The following ITGA7 variants were observed in gnomAD, a reference collection of about 807,000 sequenced individuals.
ITGA7 encodes integrin subunit alpha 7.
In ITGA7, 84 loss-of-function variants were observed where a neutral mutation model predicts 131.6. That is an observed-to-expected ratio of 0.64 (90% confidence interval 0.54 to 0.77). The LOEUF is 0.77. Among genes scored for constraint, ITGA7 ranks in the 30% least tolerant of loss-of-function variants. The probability of loss-of-function intolerance (pLI) is 0.00; values close to 1 mark genes in which losing one functional copy is unlikely to be tolerated. For missense variants in ITGA7, 1,399 were observed against 1,482.9 expected, an observed-to-expected ratio of 0.94 and a Z score of 0.93; for synonymous variants, 548 against 600.7, an observed-to-expected ratio of 0.91 and a Z score of 1.28.
In ITGA7 at chr12:55,701,438, A is replaced by C. The variant is rs769300192; in HGVS notation, c.415-284T>G. On this transcript the variant is annotated intron_variant, in intron 3 of 24. Coordinates refer to ENST00000257879, the MANE Select transcript of ITGA7 (RefSeq NM_002206.3). ...CATTCTGCCTGGAGCCAAAAGACAC[A>C]ATTAAGCCACCACATAGGATGTGTG... 2.6e-6 allele frequency: 4 copies of C among 1,551,402 alleles called. No homozygotes were observed. The African/African-American group carries it at 5.5e-5, about 21-fold the overall frequency.
At chr12:55,699,745 T>G in intron 5 of ITGA7, 125 bp downstream of exon 5, 2 of 1,263,496 alleles carry the variant, frequency 1.6e-6, no homozygotes, top group Non-Finnish European at 2.2e-6. Context: ...TTGGGCCCAA[T>G]GTATGTCTCC....
chr12:55,688,036 C>G lies in ITGA7; in HGVS notation c.3118G>C (p.Val1040Leu), dbSNP rs764565180. Residue 1040 changes from valine to leucine, a missense_variant, in exon 24 of 25, where the codon GTC (valine) becomes CTC (leucine). Val to Leu is a conservative substitution (Grantham distance 32). Transcript: ENST00000257879. The part of the protein sequence containing the change: ...AVVAEGVPWW[V>L]ILLAVLAGLL... ...CCAGCCAGTACAGCCAGGAGGATGA[C>G]CCACCAGGGCACTCCTTCTGCCACC... 1 of 1,614,122 alleles carries G rather than the reference C, an allele frequency of 6.2e-7. No individual in the cohort carries two copies. Among genetic ancestry groups the G allele is most frequent in the Non-Finnish European group, 8.5e-7 (1 of 1,180,006 alleles).
At position 55,698,908 on chromosome 12, in the gene ITGA7, A is replaced by G. The variant is rs541691026; in HGVS notation, c.800T>C (p.Ile267Thr). 1.1e-5 allele frequency: 18 copies of G among 1,611,788 alleles called. No individual in the cohort carries two copies. The African/African-American group carries it at 1.2e-4, about 11-fold the overall frequency. Residue 267 changes from isoleucine (I) to threonine (T), a missense_variant, in exon 6 of 25, where the codon ATT becomes ACT. By Grantham distance (89) the Ile-to-Thr change is moderately conservative. Transcript: ENST00000257879. ...LALNSYLGFS[I>T]DSGKGLVRAE... is the part of the protein sequence containing the mutation. The stretch of plus-strand genomic sequence containing the variant: ...ACGCACCAGACCTTTCCCCGAGTCA[A>G]TAGAGAAGCCTGGGGGAAGGGTGAC...
intron 21 of ITGA7, among the ~76,000 whole-genome samples, chr12:55,692,178 C>T (rs968221234): frequency 2.0e-5 from 3 of 152,128 alleles, no homozygotes; most frequent in African/African-American, 4.8e-5. Flanking sequence ...TTTGGGAGGC[C>T]GAGGCAGACA....
intron 22 of ITGA7, 141 bp downstream of exon 22, chr12:55,688,702 GA>G (rs1870774280): frequency 1.5e-6 from 1 of 681,566 alleles, no homozygotes; most frequent in Admixed American, 2.2e-5. Context: ...CAGCCTGGGG[GA>G]CAAAGGAAGA....
chr12:55,700,511 A>C lies in ITGA7; in HGVS notation c.670+388T>G, dbSNP rs892142234. 8.7e-6 allele frequency: 11 copies of C among 1,262,008 alleles called. No homozygotes were observed. The Middle Eastern group carries it at 1.4e-3, about 157-fold the overall frequency. The allele number at this position is 1,262,008 out of a possible 1,614,324, so 78.2% of individuals were successfully genotyped here. A position where few individuals can be genotyped will look rare whatever the true frequency, so the allele number is the denominator to read the frequency against. ...GCCTCTTCTTTCTAGCCCTCTCCCC[A>C]CCCTGTCCCCAACCCAGGCTTCCTG... On this transcript the variant is annotated intron_variant, in intron 4 of 24. Transcript: ENST00000257879.
At chr12:55,715,663 G>A (rs144827244), upstream of ITGA7, among the ~76,000 whole-genome samples, 1 of 152,290 alleles carries the variant, frequency 6.6e-6, no homozygotes, top group African/African-American at 2.4e-5. Context: ...TGAGAAGAAA[G>A]AGGGTTGGGA....
chr12:55,715,458 T>C (rs1406452815), upstream of ITGA7, among the ~76,000 whole-genome samples: 1 of 152,200 alleles, frequency 6.6e-6, no homozygotes, highest in Non-Finnish European at 1.5e-5. Context: ...TATAAATTAC[T>C]TTTTACTTTG....
rs764565180 is a variant in ITGA7, at chr12:55,688,036, C to A, written c.3118G>T (p.Val1040Phe). 29 of 1,614,002 alleles carry A rather than the reference C, an allele frequency of 1.8e-5. No homozygotes were observed. The highest frequency in any genetic ancestry group is 2.5e-5 in the Non-Finnish European group (29 of 1,180,012). The change falls in exon 24 of 25, where the codon GTC becomes TTC. Residue 1040 changes from valine to phenylalanine, a missense_variant. Val to Phe is a conservative substitution (Grantham distance 50). Coordinates refer to ENST00000257879, the MANE Select transcript of ITGA7 (RefSeq NM_002206.3). ...AVVAEGVPWW[V>F]ILLAVLAGLL... is the part of the protein sequence containing the mutation. ...CCAGCCAGTACAGCCAGGAGGATGA[C>A]CCACCAGGGCACTCCTTCTGCCACC...
At chr12:55,700,404 A>G (rs748359982) in intron 4 of ITGA7, 1 of 1,599,108 alleles carries the variant, frequency 6.3e-7, no homozygotes. Context: ...CTGCAAGGAC[A>G]GACCTGTTAG....
At chr12:55,704,766 CCA>C (rs1474063153) in intron 1 of ITGA7, among the ~76,000 whole-genome samples, 1 of 152,174 alleles carries the variant, frequency 6.6e-6, no homozygotes, top group Non-Finnish European at 1.5e-5. Context: ...GTCACTCCAC[CCA>C]GTGACTGACC....
intron 5 of ITGA7, 22 bp downstream of exon 5, chr12:55,699,848 C>T (rs1437106980): frequency 1.9e-6 from 3 of 1,592,286 alleles, no homozygotes; most frequent in Non-Finnish European, 2.6e-6. Context: ...CCCTAGAGTC[C>T]AGGAGGTGGG....
At chr12:55,687,324 C>A (rs546680065) in intron 24 of ITGA7, among the ~76,000 whole-genome samples, 2 of 150,214 alleles carry the variant, frequency 1.3e-5, no homozygotes, top group South Asian at 2.1e-4. Context: ...ATTACAGGCA[C>A]CCCCCACCAT....
At chr12:55,716,057 C>A (rs764629828), upstream of ITGA7, 8 of 1,557,588 alleles carry the variant, frequency 5.1e-6, no homozygotes, top group Non-Finnish European at 6.1e-6. Flanking sequence ...GTGACATGGC[C>A]CCGGGGAGCC....
intron 1 of ITGA7, among the ~76,000 whole-genome samples, chr12:55,704,917 C>T (rs1592486227): frequency 6.6e-6 from 1 of 152,184 alleles, no homozygotes; most frequent in African/African-American, 2.4e-5. Context: ...GCAGTACCCC[C>T]AGCCTCCAAA....
At chr12:55,716,157 G>A, upstream of ITGA7, 1 of 1,612,602 alleles carries the variant, frequency 6.2e-7, no homozygotes, top group Non-Finnish European at 8.5e-7. Context: ...CCTCCTAAAA[G>A]AACACCAGGC....
At chr12:55,715,389 T>C (rs117344508), upstream of ITGA7, among the ~76,000 whole-genome samples, 65 of 152,278 alleles carry the variant, frequency 4.3e-4, 1 homozygote, top group East Asian at 0.012. Flanking sequence ...ATGATGTTTA[T>C]AATTGTTCTC....
intron 21 of ITGA7, among the ~76,000 whole-genome samples, chr12:55,692,205 G>C (rs1324639860): frequency 6.6e-6 from 1 of 152,176 alleles, no homozygotes; most frequent in African/African-American, 2.4e-5. Flanking sequence ...TCGAGGTTAG[G>C]AGTTCGAGAC....
Position 55,687,169 on chromosome 12 carries a change from C to CTT in ITGA7, c.3183+800_3183+801dup, listed in dbSNP as rs1187388992. ...TGAGAACGAGATCTGCATCTGATTTCTTTTTTTTTTTTTTTTTTTTTTTTT... is the reference window on the plus strand; with the variant it reads ...TGAGAACGAGATCTGCATCTGATTTCTTTTTTTTTTTTTTTTTTTTTTTTTTT... On this transcript the variant is annotated intron_variant, in intron 24 of 24. Coordinates refer to ENST00000257879, the MANE Select transcript of ITGA7 (RefSeq NM_002206.3). Among the ~76,000 whole-genome samples the CTT allele has an allele frequency of 9.0e-4, 79 of 88,178 alleles. 1 individual carries two copies. Among genetic ancestry groups the CTT allele is most frequent in the Non-Finnish European group, 1.2e-3 (57 of 47,550 alleles). The allele number at this position is 88,178 out of a possible 152,430, so 57.8% of individuals were successfully genotyped here.
Sources: gnomAD v4.1 joint callset for allele counts (sites outside exome capture counted in the v4.1 genomes callset) on GRCh38, gnomAD v4.1.1 for gene constraint, MANE v1.5 for transcripts, NCBI Gene and HGNC (gene_info 2026-07-23, HGNC 2026-07-21) for gene names.